The following SORCS2 variants were observed in gnomAD, a reference collection of about 807,000 sequenced individuals.
SORCS2 encodes the protein VPS10 domain-containing receptor SorCS2.
A neutral mutation model predicts 141.6 loss-of-function variants in SORCS2; 100 were observed. The observed-to-expected ratio is 0.71, with a 90% CI of 0.60 to 0.83. The LOEUF (loss-of-function observed/expected upper bound fraction) is 0.83, where lower values mean the gene tolerates loss of function less well. Among genes scored for constraint, SORCS2 ranks in the 40% least tolerant of loss-of-function variants. The pLI is 0.00. For missense variants in SORCS2, 1,646 were observed against 1,560.2 expected, an observed-to-expected ratio of 1.05 and a Z score of -0.93; for synonymous variants, 789 against 676.9, an observed-to-expected ratio of 1.17 and a Z score of -2.57.
At chr4:7,386,296 A>G (rs575545193) in intron 1 of SORCS2, among the ~76,000 whole-genome samples, 2 of 87,612 alleles carry the variant, frequency 2.3e-5, no homozygotes, top group African/African-American at 4.8e-5. Context: ...ACACACATGC[A>G]CACACATACA....
intron 3 of SORCS2, among the ~76,000 whole-genome samples, chr4:7,587,843 G>A (rs914924588): frequency 2.6e-5 from 4 of 152,192 alleles, no homozygotes; most frequent in Non-Finnish European, 5.9e-5. Context: ...GGAGCACCCC[G>A]TTAGGCCGGC....
At chr4:7,533,839 A>G (rs78594018) in intron 3 of SORCS2, among the ~76,000 whole-genome samples, 3,934 of 152,262 alleles carry the variant, frequency 0.026, 166 homozygotes, top group African/African-American at 0.091. Context: ...GGGCAGGTGG[A>G]AGGGCCCATG....
intron 3 of SORCS2, among the ~76,000 whole-genome samples, chr4:7,603,504 C>T (rs914731243): frequency 6.6e-6 from 1 of 152,088 alleles, no homozygotes; most frequent in Non-Finnish European, 1.5e-5. Flanking sequence ...TTATGATGTC[C>T]TTAATTTTTA....
At chr4:7,413,588 A>G (rs1412633392) in intron 2 of SORCS2, among the ~76,000 whole-genome samples, 1 of 152,010 alleles carries the variant, frequency 6.6e-6, no homozygotes, top group Non-Finnish European at 1.5e-5. Flanking sequence ...GGGTTTTGCC[A>G]CATTGGCAAG....
At chr4:7,322,736 C>T (rs1206753125) in intron 1 of SORCS2, among the ~76,000 whole-genome samples, 3 of 152,226 alleles carry the variant, frequency 2.0e-5, no homozygotes, top group Non-Finnish European at 4.4e-5. Flanking sequence ...ATTTCCTTCT[C>T]GGGAGAGTTT....
chr4:7,536,636 C>T (rs372207580), intron 3 of SORCS2, among the ~76,000 whole-genome samples: 240 of 152,170 alleles, frequency 1.6e-3, no homozygotes, highest in Middle Eastern at 6.8e-3. Flanking sequence ...ACAGAACTCA[C>T]GAGAGAAGGA....
chr4:7,512,985 A>G (rs769195625), intron 2 of SORCS2, among the ~76,000 whole-genome samples: 42 of 152,156 alleles, frequency 2.8e-4, no homozygotes, highest in Non-Finnish European at 7.3e-5. Flanking sequence ...GGCTGTAGGA[A>G]AAGCCCACAT....
At chr4:7,481,178 A>G (rs1441340576) in intron 2 of SORCS2, among the ~76,000 whole-genome samples, 2 of 152,262 alleles carry the variant, frequency 1.3e-5, no homozygotes, top group African/African-American at 4.8e-5. Flanking sequence ...TGGGAGCCAC[A>G]GACTTTCCTG....
chr4:7,383,171 T>C (rs944453862), intron 1 of SORCS2, among the ~76,000 whole-genome samples: 2 of 152,054 alleles, frequency 1.3e-5, no homozygotes, highest in Non-Finnish European at 2.9e-5. Context: ...AGAAGATAAT[T>C]TGGTACGGAG....
chr4:7,250,911 G>T (rs919579112), intron 1 of SORCS2, among the ~76,000 whole-genome samples: 2 of 152,262 alleles, frequency 1.3e-5, no homozygotes, highest in African/African-American at 4.8e-5. Context: ...CACCAGGGCA[G>T]GCTGGCCAGT....
At chr4:7,730,030 C>T (rs1711549392) in intron 23 of SORCS2, among the ~76,000 whole-genome samples, 1 of 152,190 alleles carries the variant, frequency 6.6e-6, no homozygotes. Flanking sequence ...CTGCCAGGAG[C>T]ACTGGGAAAT....
At chr4:7,725,687 T>A (rs1040545366) in intron 20 of SORCS2, among the ~76,000 whole-genome samples, 5 of 152,184 alleles carry the variant, frequency 3.3e-5, no homozygotes, top group Non-Finnish European at 7.4e-5. Flanking sequence ...GAAGCCTCCC[T>A]CAGAGGCCTG....
intron 14 of SORCS2, among the ~76,000 whole-genome samples, chr4:7,707,346 G>T (rs867782731): frequency 2.0e-5 from 3 of 152,312 alleles, no homozygotes; most frequent in African/African-American, 7.2e-5. Context: ...GGCCAAGGAG[G>T]ATGGAAGCTG....
rs115929296 is a variant in SORCS2 at position 7,680,192 on chromosome 4, G to A, written c.1342-2551G>A. On this transcript the variant is annotated intron_variant, in intron 9 of 26. Transcript: ENST00000507866. ...AACGATGTGCAGCCATTTGCTGGGT[G>A]TGCGGCTTGTCCGAAGTCTAGCACA... 9.5e-3 allele frequency among the ~76,000 whole-genome samples: 1,440 copies of A among 152,338 alleles called. 29 individuals are homozygous for A. The highest frequency in any genetic ancestry group is 0.033 in the African/African-American group (1,379 of 41,574).
chr4:7,403,056 C>T (rs2109131273), intron 2 of SORCS2, among the ~76,000 whole-genome samples: 1 of 152,242 alleles, frequency 6.6e-6, no homozygotes, highest in South Asian at 2.1e-4. Context: ...AAGGAGGTTT[C>T]CTCCTAAGAA....
chr4:7,569,377 T>G (rs1460264770), intron 3 of SORCS2, among the ~76,000 whole-genome samples: 5 of 152,066 alleles, frequency 3.3e-5, no homozygotes, highest in Non-Finnish European at 4.4e-5. Flanking sequence ...CTGGGCATGG[T>G]GGGGCACACC....
At chr4:7,525,215 G>A (rs1170796353) in intron 2 of SORCS2, among the ~76,000 whole-genome samples, 2 of 152,268 alleles carry the variant, frequency 1.3e-5, no homozygotes, top group Non-Finnish European at 2.9e-5. Flanking sequence ...CCGGGCAAGA[G>A]GCTTCTGGGA....
At chr4:7,625,296 G>C (rs1237677034) in intron 3 of SORCS2, among the ~76,000 whole-genome samples, 1 of 152,136 alleles carries the variant, frequency 6.6e-6, no homozygotes, top group Non-Finnish European at 1.5e-5. Context: ...GAGTCAGACA[G>C]AGCTGGGTCT....
rs569730653 is a variant in SORCS2 at position 7,640,229 on chromosome 4, T to C, written c.813+1737T>C. On this transcript the variant is annotated intron_variant, in intron 4 of 26. Transcript: ENST00000507866. ...GTACATGTATGGGTGTGTATGAGCGTGTGTGTGTGAGAACCTATGTGAGTG... is the reference window on the plus strand; with the variant it reads ...GTACATGTATGGGTGTGTATGAGCGCGTGTGTGTGAGAACCTATGTGAGTG... Among the ~76,000 whole-genome samples, 10 of 147,514 alleles carry C rather than the reference T, an allele frequency of 6.8e-5. No homozygotes were observed. The South Asian group carries it at 2.2e-3, about 32-fold the overall frequency.
Sources: gnomAD v4.1 joint callset for allele counts (sites outside exome capture counted in the v4.1 genomes callset) on GRCh38, gnomAD v4.1.1 for gene constraint, MANE v1.5 for transcripts, NCBI Gene and HGNC (gene_info 2026-07-23, HGNC 2026-07-21) for gene names.